The following OXCT1 variants were observed in gnomAD, a reference collection of about 807,000 sequenced individuals.
The protein encoded by OXCT1 is 3-oxoacid CoA-transferase 1.
In OXCT1, 27 loss-of-function variants were observed where a neutral mutation model predicts 69.6. The observed-to-expected ratio is 0.39, with a 90% CI of 0.29 to 0.54. The LOEUF (loss-of-function observed/expected upper bound fraction) is 0.54, where lower values mean the gene tolerates loss of function less well. OXCT1 is among the 20% of genes least tolerant of loss of function. The pLI is 0.72. For synonymous variants in OXCT1, 202 were observed against 217.8 expected, an observed-to-expected ratio of 0.93 and a Z score of 0.64; for missense variants, 437 against 650.2, an observed-to-expected ratio of 0.67 and a Z score of 3.57.
At chr5:41,863,413 C>A (rs1331082327) in intron 1 of OXCT1, among the ~76,000 whole-genome samples, 1 of 152,100 alleles carries the variant, frequency 6.6e-6, no homozygotes, top group East Asian at 1.9e-4. Context: ...ATTTATTCCT[C>A]CTAAATAAAA....
intron 14 of OXCT1, among the ~76,000 whole-genome samples, chr5:41,760,903 T>A (rs762750449): frequency 1.4e-4 from 22 of 152,170 alleles, no homozygotes; most frequent in Admixed American, 3.9e-4. Context: ...CATACATTTC[T>A]CTGTAACCAA....
intron 13 of OXCT1, among the ~76,000 whole-genome samples, chr5:41,778,556 T>C (rs1246583874): frequency 6.6e-6 from 1 of 152,224 alleles, no homozygotes; most frequent in African/African-American, 2.4e-5. Context: ...TCACATGTCA[T>C]ATGACCCCCA....
At chr5:41,737,531 G>T (rs1036129159) in intron 16 of OXCT1, among the ~76,000 whole-genome samples, 1 of 152,104 alleles carries the variant, frequency 6.6e-6, no homozygotes, top group South Asian at 2.1e-4. Context: ...AATACAGATT[G>T]TTTGCTTTTC....
chr5:41,794,021 C>T lies in OXCT1; in HGVS notation c.1230G>A (p.Leu410=), dbSNP rs751938333. The T allele has an allele frequency of 6.2e-7, 1 of 1,609,830 alleles. No individual in the cohort carries two copies. Among genetic ancestry groups the T allele is most frequent in the Admixed American group, 1.7e-5 (1 of 60,002 alleles). Residue 410 remains leucine (L), a synonymous_variant, in exon 13 of 17, where the codon CTG becomes CTA. Transcript: ENST00000196371. ...GAMQVSKYGD[L]ANWMIPGKMV... is the part of the protein sequence containing the mutation. ...TACTTACAGGTATCATCCAGTTAGC[C>T]AGGTCACCATATTTGGAAACCTGCA...
At chr5:41,745,016 T>C (rs1460772326) in intron 15 of OXCT1, among the ~76,000 whole-genome samples, 1 of 151,988 alleles carries the variant, frequency 6.6e-6, no homozygotes, top group African/African-American at 2.4e-5. Flanking sequence ...AACAACGCTA[T>C]CCAGGAACTG....
chr5:41,804,109 A>C (rs1490767930), intron 9 of OXCT1, among the ~76,000 whole-genome samples: 2 of 152,118 alleles, frequency 1.3e-5, no homozygotes, highest in Admixed American at 1.3e-4. Context: ...TCAATGACCC[A>C]GGTCACTTCT....
chr5:41,766,757 C>A (rs1446610712), intron 13 of OXCT1, among the ~76,000 whole-genome samples: 1 of 152,094 alleles, frequency 6.6e-6, no homozygotes, highest in Non-Finnish European at 1.5e-5. Flanking sequence ...AGTACATAAA[C>A]AGTAATGGCT....
At chr5:41,818,954 C>G (rs1579804300) in intron 7 of OXCT1, among the ~76,000 whole-genome samples, 1 of 151,014 alleles carries the variant, frequency 6.6e-6, no homozygotes, top group Non-Finnish European at 1.5e-5. Context: ...AAAAAAGCAA[C>G]TAATTTTTCA....
chr5:41,753,274 C>T (rs549810484), intron 14 of OXCT1, among the ~76,000 whole-genome samples: 2 of 143,920 alleles, frequency 1.4e-5, no homozygotes, highest in East Asian at 4.0e-4. Context: ...CTGCAATACA[C>T]ACACACACAC....
At chr5:41,776,345 G>T (rs1403354399) in intron 13 of OXCT1, among the ~76,000 whole-genome samples, 2 of 152,190 alleles carry the variant, frequency 1.3e-5, no homozygotes, top group Non-Finnish European at 2.9e-5. Flanking sequence ...AAAACTGGGT[G>T]GGGGGAATAT....
intron 4 of OXCT1, among the ~76,000 whole-genome samples, chr5:41,851,863 C>G (rs1235908532): frequency 6.6e-6 from 1 of 152,142 alleles, no homozygotes; most frequent in Non-Finnish European, 1.5e-5. Flanking sequence ...GTGAAAAATA[C>G]TGCTATGGAC....
intron 7 of OXCT1, among the ~76,000 whole-genome samples, chr5:41,825,038 C>A (rs867131641): frequency 3.9e-5 from 6 of 152,180 alleles, no homozygotes; most frequent in Admixed American, 2.6e-4. Flanking sequence ...AAATGAATCA[C>A]CCAGATCCTT....
chr5:41,853,301 T>C, intron 4 of OXCT1, 118 bp downstream of exon 4: 4 of 856,198 alleles, frequency 4.7e-6, no homozygotes, highest in Non-Finnish European at 7.5e-6. Flanking sequence ...CAAAATTCCC[T>C]GGTTTGGCAA....
chr5:41,786,453 A>ATAACC (rs1399183064), intron 13 of OXCT1, among the ~76,000 whole-genome samples: 1 of 152,176 alleles, frequency 6.6e-6, no homozygotes, highest in Admixed American at 6.5e-5. Flanking sequence ...AGCATACTAT[A>ATAACC]TAACCTTCTT....
At chr5:41,828,252 C>T (rs1003391899) in intron 7 of OXCT1, among the ~76,000 whole-genome samples, 13 of 151,986 alleles carry the variant, frequency 8.6e-5, no homozygotes, top group Middle Eastern at 3.2e-3. Flanking sequence ...GGATTACAGG[C>T]GCTTGCCACC....
At chr5:41,815,770 A>C (rs190340181) in intron 7 of OXCT1, among the ~76,000 whole-genome samples, 45 of 152,314 alleles carry the variant, frequency 3.0e-4, no homozygotes, top group Non-Finnish European at 5.7e-4. Flanking sequence ...TAATATAATT[A>C]ATAGAATTAA....
chr5:41,750,738 T>A (rs1757784359), intron 14 of OXCT1, among the ~76,000 whole-genome samples: 1 of 152,094 alleles, frequency 6.6e-6, no homozygotes, highest in African/African-American at 2.4e-5. Context: ...ATAGGTGGAC[T>A]CCATTAAGAT....
rs1043752825 is a variant in OXCT1, at chr5:41,850,163, C to T, written c.431G>A (p.Arg144Lys). The T allele has an allele frequency of 1.9e-6, 3 of 1,613,538 alleles. No individual in the cohort carries two copies. Among genetic ancestry groups the T allele is most frequent in the East Asian group, 2.2e-5 (1 of 44,892 alleles). ...ELTPQGTLAERIRAGGAGVPA... is the reference protein window; with the variant it reads ...ELTPQGTLAEKIRAGGAGVPA... ...AACTCCAGCCCCGCCTGCACGGATC[C>T]TCTCTGCAAGTGTGCCCTGCAAGTG... Residue 144 changes from arginine (R) to lysine (K), a missense_variant, in exon 5 of 17, where the codon AGG (arginine) becomes AAG (lysine). Coordinates refer to ENST00000196371, the MANE Select transcript of OXCT1 (RefSeq NM_000436.4).
At chr5:41,848,229 T>C (rs1476426950) in intron 5 of OXCT1, among the ~76,000 whole-genome samples, 2 of 152,090 alleles carry the variant, frequency 1.3e-5, no homozygotes, top group Non-Finnish European at 2.9e-5. Context: ...TTACAAGGGA[T>C]GTGAAGGACC....
Sources: gnomAD v4.1 joint callset for allele counts (sites outside exome capture counted in the v4.1 genomes callset) on GRCh38, gnomAD v4.1.1 for gene constraint, MANE v1.5 for transcripts, NCBI Gene and HGNC (gene_info 2026-07-23, HGNC 2026-07-21) for gene names.